The following FGF12 variants were observed in gnomAD, a reference collection of about 807,000 sequenced individuals.
FGF12 encodes the protein fibroblast growth factor 12B.
A neutral mutation model predicts 23.6 loss-of-function variants in FGF12; 14 were observed. That is an observed-to-expected ratio of 0.59 (90% CI 0.39 to 0.93). The LOEUF is 0.93. Among genes scored for constraint, FGF12 ranks in the 40% least tolerant of loss-of-function variants. The pLI, the probability that FGF12 is intolerant of heterozygous loss-of-function variation, is 0.00. For missense variants in FGF12, 175 were observed against 217.8 expected (o/e 0.80, Z 1.24); for synonymous variants, 62 against 77.3 (o/e 0.80, Z 1.04).
chr3:192,270,843 A>C (rs1448005620), intron 4 of FGF12, among the ~76,000 whole-genome samples: 1 of 150,080 alleles, frequency 6.7e-6, no homozygotes, highest in African/African-American at 2.4e-5. Flanking sequence ...AAGGAAGATA[A>C]AAGAATCCAC....
chr3:192,233,847 A>G (rs1193036129), intron 4 of FGF12, among the ~76,000 whole-genome samples: 2 of 152,088 alleles, frequency 1.3e-5, no homozygotes, highest in Admixed American at 6.6e-5. Flanking sequence ...CAAAGATCAC[A>G]TGGTTGTAGG....
At chr3:192,643,585 C>T (rs1428458689) in intron 2 of FGF12, among the ~76,000 whole-genome samples, 2 of 152,114 alleles carry the variant, frequency 1.3e-5, no homozygotes, top group African/African-American at 4.8e-5. Context: ...TATGAATGTC[C>T]TTTCCTTTTA....
intron 2 of FGF12, among the ~76,000 whole-genome samples, chr3:192,716,329 C>T (rs528228162): frequency 1.3e-5 from 2 of 152,242 alleles, no homozygotes; most frequent in East Asian, 3.9e-4. Flanking sequence ...GTCAACATCC[C>T]TGTTAAAATA....
intron 4 of FGF12, among the ~76,000 whole-genome samples, chr3:192,289,434 G>A (rs1714636627): frequency 6.6e-6 from 1 of 151,974 alleles, no homozygotes; most frequent in Non-Finnish European, 1.5e-5. Flanking sequence ...CCAAAAGGAA[G>A]GTAAGAATAA....
intron 2 of FGF12, among the ~76,000 whole-genome samples, chr3:192,376,651 C>T (rs929436856): frequency 2.0e-5 from 3 of 152,180 alleles, no homozygotes; most frequent in Non-Finnish European, 4.4e-5. Context: ...CGTGAGCCAC[C>T]GCGCCTGACC....
At chr3:192,486,240 G>A (rs932828376) in intron 2 of FGF12, among the ~76,000 whole-genome samples, 1 of 152,030 alleles carries the variant, frequency 6.6e-6, no homozygotes, top group African/African-American at 2.4e-5. Context: ...CAAGACAGAC[G>A]TTTCTTATCC....
intron 3 of FGF12, among the ~76,000 whole-genome samples, chr3:192,348,219 A>G (rs1337659120): frequency 6.6e-6 from 1 of 152,190 alleles, no homozygotes; most frequent in Non-Finnish European, 1.5e-5. Flanking sequence ...ATAGTCTCAC[A>G]TAGGTATGTG....
At chr3:192,676,444 G>A (rs1717330295) in intron 2 of FGF12, among the ~76,000 whole-genome samples, 1 of 152,178 alleles carries the variant, frequency 6.6e-6, no homozygotes, top group Non-Finnish European at 1.5e-5. Flanking sequence ...CAAATTAGAG[G>A]TAGACCTCAA....
chr3:192,698,614 C>A (rs529062165), intron 2 of FGF12, among the ~76,000 whole-genome samples: 3 of 152,048 alleles, frequency 2.0e-5, no homozygotes, highest in South Asian at 4.2e-4. Context: ...TTCCATTAAA[C>A]CTTACTCACT....
chr3:192,663,798 A>G (rs570342225), intron 2 of FGF12, among the ~76,000 whole-genome samples: 1 of 152,184 alleles, frequency 6.6e-6, no homozygotes, highest in Non-Finnish European at 1.5e-5. Context: ...GAAAAAAAAA[A>G]AATCTCCCAG....
intron 5 of FGF12, among the ~76,000 whole-genome samples, chr3:192,145,530 G>A (rs570684526): frequency 1.3e-5 from 2 of 152,314 alleles, no homozygotes; most frequent in Middle Eastern, 3.4e-3. Context: ...GAGCTTGAGA[G>A]TCTCCATTTT....
intron 2 of FGF12, among the ~76,000 whole-genome samples, chr3:192,545,548 A>G (rs1312453599): frequency 1.3e-5 from 2 of 152,188 alleles, no homozygotes; most frequent in Non-Finnish European, 2.9e-5. Context: ...CCATAGCTAT[A>G]GCTTGTCTCA....
chr3:192,441,695 T>C (rs906190827), intron 2 of FGF12, among the ~76,000 whole-genome samples: 1 of 152,218 alleles, frequency 6.6e-6, no homozygotes, highest in African/African-American at 2.4e-5. Flanking sequence ...GTCCAAGAGA[T>C]AGCAAGAGAA....
At chr3:192,660,507 TAA>T (rs1379594410) in intron 2 of FGF12, among the ~76,000 whole-genome samples, 8 of 121,408 alleles carry the variant, frequency 6.6e-5, no homozygotes, top group Admixed American at 8.4e-5. Flanking sequence ...ACTTAAAGTA[TAA>T]AAAAAAAAAA....
At chr3:192,557,952 C>T (rs982774782) in intron 2 of FGF12, among the ~76,000 whole-genome samples, 4 of 151,828 alleles carry the variant, frequency 2.6e-5, no homozygotes, top group Non-Finnish European at 5.9e-5. Flanking sequence ...AAAAAACCAA[C>T]AGATAACATA....
intron 2 of FGF12, among the ~76,000 whole-genome samples, chr3:192,585,392 G>A (rs544120462): frequency 6.6e-6 from 1 of 152,244 alleles, no homozygotes; most frequent in South Asian, 2.1e-4. Context: ...GGAGTGAGGG[G>A]TGGGAGCAGT....
chr3:192,559,429 CAGGT>C (rs993396180), intron 2 of FGF12, among the ~76,000 whole-genome samples: 13 of 151,724 alleles, frequency 8.6e-5, no homozygotes, highest in Admixed American at 7.9e-4. Context: ...GAGGGGTAAA[CAGGT>C]AGAACACAGA....
intron 4 of FGF12, among the ~76,000 whole-genome samples, chr3:192,282,342 T>G (rs1281403031): frequency 6.6e-6 from 1 of 152,146 alleles, no homozygotes; most frequent in East Asian, 1.9e-4. Context: ...AAGAAGAGAA[T>G]GCAAAATTAC....
intron 2 of FGF12, among the ~76,000 whole-genome samples, chr3:192,601,520 G>A (rs957709391): frequency 2.0e-5 from 3 of 152,006 alleles, no homozygotes; most frequent in Non-Finnish European, 4.4e-5. Flanking sequence ...TACATTACAT[G>A]TATTGCAAAA....
Sources: allele counts gnomAD v4.1 joint callset (sites outside exome capture counted in the v4.1 genomes callset), GRCh38; gene constraint gnomAD v4.1.1; transcripts MANE v1.5; gene names NCBI Gene and HGNC (gene_info 2026-07-23, HGNC 2026-07-21).